The following PDHX variants were observed in gnomAD, a reference collection of about 807,000 sequenced individuals.
The protein encoded by PDHX is pyruvate dehydrogenase protein X component, mitochondrial.
A neutral mutation model predicts 55.3 loss-of-function variants in PDHX; 33 were observed. That is an observed-to-expected ratio of 0.60 (90% CI 0.45 to 0.80). PDHX has a LOEUF of 0.80. PDHX is among the 30% of genes least tolerant of loss of function. The pLI is 0.00. For synonymous variants in PDHX, 226 were observed against 219.4 expected (o/e 1.03, Z -0.27); for missense variants, 622 against 619.9 (o/e 1.00, Z -0.04).
chr11:34,919,156 G>A (rs1490568601), intron 1 of PDHX, among the ~76,000 whole-genome samples: 1 of 152,216 alleles, frequency 6.6e-6, no homozygotes, highest in Non-Finnish European at 1.5e-5. Context: ...GTATTTGGAA[G>A]TGTTGGACTT....
chr11:34,961,373 A>T (rs766623364), intron 5 of PDHX, among the ~76,000 whole-genome samples: 4 of 152,230 alleles, frequency 2.6e-5, no homozygotes, highest in African/African-American at 4.8e-5. Flanking sequence ...TTAATCAAAT[A>T]GGCTTATGAA....
intron 10 of PDHX, among the ~76,000 whole-genome samples, chr11:34,993,283 G>T (rs1014647426): frequency 6.6e-6 from 1 of 151,710 alleles, no homozygotes. Flanking sequence ...TTTTTTAAAT[G>T]AACGGAAGTT....
chr11:34,942,680 G>A (rs950247965), intron 2 of PDHX, among the ~76,000 whole-genome samples: 8 of 152,100 alleles, frequency 5.3e-5, no homozygotes, highest in Non-Finnish European at 7.4e-5. Context: ...TTTGATTATT[G>A]AAAGATAGAA....
intron 2 of PDHX, among the ~76,000 whole-genome samples, chr11:34,939,468 GGTGTGTGTGTGTGT>G (rs68165754): frequency 4.6e-4 from 68 of 149,186 alleles, no homozygotes; most frequent in South Asian, 1.3e-3. Flanking sequence ...TTTTACTAAT[GGTGTGTGTGTGTGT>G]GTGTGTGTGT....
At chr11:34,922,998 T>A (rs559697878) in intron 1 of PDHX, among the ~76,000 whole-genome samples, 1 of 152,206 alleles carries the variant, frequency 6.6e-6, no homozygotes, top group South Asian at 2.1e-4. Context: ...ATTTTAATTT[T>A]ATAGTTTAAT....
intron 2 of PDHX, among the ~76,000 whole-genome samples, chr11:34,937,241 TA>T (rs1351149917): frequency 6.6e-6 from 1 of 152,146 alleles, no homozygotes; most frequent in African/African-American, 2.4e-5. Flanking sequence ...TGAGAACTCC[TA>T]ATCAATGTGA....
intron 3 of PDHX, among the ~76,000 whole-genome samples, chr11:34,956,535 T>C (rs1307991245): frequency 6.6e-6 from 1 of 152,132 alleles, no homozygotes; most frequent in Non-Finnish European, 1.5e-5. Flanking sequence ...AGTGAACTTA[T>C]AAAATATTGT....
chr11:34,986,414 G>A (rs1855646006), intron 9 of PDHX, among the ~76,000 whole-genome samples: 2 of 151,994 alleles, frequency 1.3e-5, no homozygotes. Context: ...TGTTTATCAA[G>A]GGTTTTCAGC....
chr11:34,971,720 A>G (rs781332197), intron 7 of PDHX, among the ~76,000 whole-genome samples: 3 of 152,116 alleles, frequency 2.0e-5, no homozygotes, highest in Non-Finnish European at 2.9e-5. Context: ...CCCATGAGAA[A>G]TGCTAACCTG....
intron 1 of PDHX, among the ~76,000 whole-genome samples, chr11:34,925,779 A>G (rs997190480): frequency 3.3e-5 from 5 of 152,200 alleles, no homozygotes; most frequent in African/African-American, 9.6e-5. Context: ...CTGACATCCA[A>G]AGCTTTTTGA....
chr11:34,951,142 C>T (rs1202056406), intron 3 of PDHX, among the ~76,000 whole-genome samples: 13 of 150,042 alleles, frequency 8.7e-5, no homozygotes, highest in South Asian at 4.3e-4. Flanking sequence ...CTGCAAGCTC[C>T]GCCTCCCGGG....
In PDHX at chr11:34,970,187, A is replaced by G. The variant is rs1054884789; in HGVS notation, c.865A>G (p.Lys289Glu). ...CAGCAATATTCGAAGAGTTATTGCCAAGAGATTAACTGAATCTAAAAGTAC... is the reference window on the plus strand; with the variant it reads ...CAGCAATATTCGAAGAGTTATTGCCGAGAGATTAACTGAATCTAAAAGTAC... ...PASNIRRVIAKRLTESKSTVP... is the reference protein window; with the variant it reads ...PASNIRRVIAERLTESKSTVP... The change falls in exon 7 of 11, where the codon AAG (lysine) becomes GAG (glutamate). Residue 289 changes from lysine to glutamate, a missense_variant. Transcript: ENST00000227868. 1 of 1,612,136 alleles carries G rather than the reference A, an allele frequency of 6.2e-7. No individual in the cohort carries two copies. The highest frequency in any genetic ancestry group is 8.5e-7 in the Non-Finnish European group (1 of 1,178,170).
At chr11:34,916,296 G>C, upstream of PDHX, 1 of 1,611,610 alleles carries the variant, frequency 6.2e-7, no homozygotes, top group Non-Finnish European at 8.5e-7. Flanking sequence ...GCCCAGACCA[G>C]GGACCCGCGC....
At chr11:34,932,038 G>C (rs1854189351) in intron 2 of PDHX, among the ~76,000 whole-genome samples, 1 of 152,070 alleles carries the variant, frequency 6.6e-6, no homozygotes, top group African/African-American at 2.4e-5. Flanking sequence ...GTGCAGCTGA[G>C]TAGAGAATAA....
At chr11:34,955,397 AG>A (rs2133970929) in intron 3 of PDHX, among the ~76,000 whole-genome samples, 1 of 152,300 alleles carries the variant, frequency 6.6e-6, no homozygotes, top group African/African-American at 2.4e-5. Flanking sequence ...GGAATAGAAA[AG>A]GTTGAAGAAA....
At chr11:34,934,976 T>C (rs1030089179) in intron 2 of PDHX, among the ~76,000 whole-genome samples, 18 of 151,954 alleles carry the variant, frequency 1.2e-4, no homozygotes, top group Admixed American at 4.6e-4. Context: ...GATGAAATAC[T>C]TACGAATAAA....
At chr11:34,926,306 A>G (rs1854018272) in intron 1 of PDHX, among the ~76,000 whole-genome samples, 1 of 152,186 alleles carries the variant, frequency 6.6e-6, no homozygotes, top group African/African-American at 2.4e-5. Context: ...TTGAACAGCA[A>G]TTTTGAAGGC....
At chr11:34,936,556 A>G (rs962980614) in intron 2 of PDHX, among the ~76,000 whole-genome samples, 3 of 152,166 alleles carry the variant, frequency 2.0e-5, no homozygotes, top group Non-Finnish European at 4.4e-5. Context: ...CATTCCAGCT[A>G]GAAAAACATG....
intron 5 of PDHX, among the ~76,000 whole-genome samples, chr11:34,966,397 T>A (rs947180729): frequency 6.6e-6 from 1 of 152,156 alleles, no homozygotes; most frequent in East Asian, 1.9e-4. Context: ...TATGCCCAAT[T>A]TTAATAACAT....
Sources: allele counts gnomAD v4.1 joint callset (sites outside exome capture counted in the v4.1 genomes callset), GRCh38; gene constraint gnomAD v4.1.1; transcripts MANE v1.5; gene names NCBI Gene and HGNC (gene_info 2026-07-23, HGNC 2026-07-21).